The following PPP2R1A variants were observed in gnomAD, a reference collection of about 807,000 sequenced individuals.
The protein encoded by PPP2R1A is protein phosphatase 2 scaffold subunit Aalpha, also known as serine/threonine-protein phosphatase 2A 65 kDa regulatory subunit A alpha isoform.
Under a neutral mutation model 67.1 loss-of-function variants are expected in PPP2R1A, and 15 were observed. The ratio of observed to expected loss-of-function variants is 0.22; its 90% CI spans 0.15 to 0.34. The LOEUF is 0.34. Ranked by LOEUF, PPP2R1A falls within the 10% of genes least tolerant of loss-of-function variation. The probability of loss-of-function intolerance (pLI) is 1.00; values close to 1 mark genes in which losing one functional copy is unlikely to be tolerated. For synonymous variants in PPP2R1A, 337 were observed against 325.0 expected (o/e 1.04, Z -0.40); for missense variants, 369 against 775.0 (o/e 0.48, Z 6.22).
intron 12 of PPP2R1A, 82 bp downstream of exon 12, chr19:52,221,215 G>A: frequency 6.4e-7 from 1 of 1,558,330 alleles, no homozygotes; most frequent in Non-Finnish European, 8.8e-7. Flanking sequence ...GGTTCCCCAA[G>A]GGAGACACCT....
chr19:52,191,651 C>G (rs931313626), intron 1 of PPP2R1A, among the ~76,000 whole-genome samples: 1 of 152,170 alleles, frequency 6.6e-6, no homozygotes, highest in Non-Finnish European at 1.5e-5. Flanking sequence ...GTTAGTTAAT[C>G]TCTCTAGGCC....
chr19:52,190,922 C>G (rs2089448403), intron 1 of PPP2R1A: 1 of 152,304 alleles, frequency 6.6e-6, no homozygotes, highest in African/African-American at 2.4e-5. Flanking sequence ...AGCAGTGGCG[C>G]GATCTCGGCT....
chr19:52,197,548 G>A (rs781083565), intron 1 of PPP2R1A, among the ~76,000 whole-genome samples: 7 of 152,126 alleles, frequency 4.6e-5, no homozygotes, highest in Non-Finnish European at 8.8e-5. Flanking sequence ...GGTGACACCT[G>A]CCTGTAGACC....
chr19:52,193,949 CAAAAAAA>C (rs781755185), intron 1 of PPP2R1A, among the ~76,000 whole-genome samples: 2 of 116,930 alleles, frequency 1.7e-5, no homozygotes, highest in African/African-American at 3.2e-5. Context: ...CTGTCTCTAC[CAAAAAAA>C]AAAAAAAAAT....
At chr19:52,214,849 C>T (rs562387481) in intron 6 of PPP2R1A, among the ~76,000 whole-genome samples, 21 of 152,050 alleles carry the variant, frequency 1.4e-4, no homozygotes, top group African/African-American at 4.6e-4. Context: ...GCCTTAGCCT[C>T]CTGAGTAGCT....
At chr19:52,218,115 T>C (rs1482915169) in intron 9 of PPP2R1A, among the ~76,000 whole-genome samples, 1 of 152,164 alleles carries the variant, frequency 6.6e-6, no homozygotes, top group Admixed American at 6.5e-5. Flanking sequence ...GTTTTTGCCT[T>C]GGTGGTGAAA....
chr19:52,197,599 C>T (rs550140578), intron 1 of PPP2R1A, among the ~76,000 whole-genome samples: 11 of 152,128 alleles, frequency 7.2e-5, no homozygotes, highest in South Asian at 4.1e-4. Context: ...CACTTGAGCC[C>T]GGGAGGTCAA....
chr19:52,194,019 C>T (rs1192434669), intron 1 of PPP2R1A, among the ~76,000 whole-genome samples: 1 of 130,588 alleles, frequency 7.7e-6, no homozygotes, highest in Non-Finnish European at 1.5e-5. Flanking sequence ...AGACTGAGGT[C>T]GGAGGATTGC....
In PPP2R1A at chr19:52,200,072, T is replaced by G. The variant is rs144324690; in HGVS notation, c.79-1872T>G. ...CCAACTCACGCAAGATCTTAGTCACTTGTAGACCTCGTCTCAGTTATGTAG... is the reference window on the plus strand; with the variant it reads ...CCAACTCACGCAAGATCTTAGTCACGTGTAGACCTCGTCTCAGTTATGTAG... On this transcript the variant is annotated intron_variant, in intron 1 of 14. Coordinates refer to ENST00000322088, the MANE Select transcript of PPP2R1A (RefSeq NM_014225.6). Among the ~76,000 whole-genome samples, 391 of 152,294 alleles carry G rather than the reference T, an allele frequency of 2.6e-3. 3 individuals are homozygous for G. The highest frequency in any genetic ancestry group is 9.0e-3 in the African/African-American group (374 of 41,568).
chr19:52,219,819 G>A lies in PPP2R1A; in HGVS notation c.1257G>A (p.Val419=), dbSNP rs2122360720. 4 of 1,612,970 alleles carry A rather than the reference G, an allele frequency of 2.5e-6. No individual in the cohort carries two copies. The highest frequency in any genetic ancestry group is 3.4e-6 in the Non-Finnish European group (4 of 1,179,988). Residue 419 remains valine, a synonymous_variant, in exon 10 of 15, where the codon GTG becomes GTA. Coordinates refer to ENST00000322088, the MANE Select transcript of PPP2R1A (RefSeq NM_014225.6). The surrounding 1 kb of genome is among the most constrained non-coding windows in gnomAD (Gnocchi z 4.0). ...TGGCTGAGGACGCCAAGTGGCGGGT[G>A]CGGCTGGCCATCATTGAGTACATGC... is the stretch of plus-strand genomic sequence containing the variant. The part of the protein sequence containing the change: ...VELAEDAKWR[V]RLAIIEYMPL...
chr19:52,215,933 A>T, intron 7 of PPP2R1A, 40 bp downstream of exon 7: 2 of 1,611,400 alleles, frequency 1.2e-6, no homozygotes, highest in Non-Finnish European at 1.7e-6. Flanking sequence ...TGGGGTGGGT[A>T]TCCAAGGGGC....
At position 52,212,281 on chromosome 19, in the gene PPP2R1A, C is replaced by T. The variant is rs908159086; in HGVS notation, c.504-405C>T. On this transcript the variant is annotated intron_variant, in intron 4 of 14. Transcript: ENST00000322088. This position sits in a 1 kb window ranked among gnomAD's most constrained non-coding sequence, Gnocchi z 4.1. ...TTTATTTTTGGCAGAGATGGGGTCT[C>T]ACTATGTTGCTCAGGCTGGTCTTGA... 1.3e-5 allele frequency among the ~76,000 whole-genome samples: 2 copies of T among 151,872 alleles called. No homozygotes were observed. Among genetic ancestry groups the T allele is most frequent in the Middle Eastern group, 3.2e-3 (1 of 316 alleles).
At chr19:52,193,275 T>C (rs577545444) in intron 1 of PPP2R1A, among the ~76,000 whole-genome samples, 1 of 152,350 alleles carries the variant, frequency 6.6e-6, no homozygotes, top group East Asian at 1.9e-4. Flanking sequence ...TTGCTGATTA[T>C]ATTCATATGC....
intron 1 of PPP2R1A, among the ~76,000 whole-genome samples, chr19:52,192,553 A>G (rs1345732062): frequency 2.0e-5 from 3 of 151,820 alleles, no homozygotes; most frequent in Non-Finnish European, 4.4e-5. Flanking sequence ...ATCTCAGGTG[A>G]TCCTCCTGCC....
intron 9 of PPP2R1A, among the ~76,000 whole-genome samples, chr19:52,217,609 G>GT (rs1978657700): frequency 1.3e-5 from 2 of 152,180 alleles, no homozygotes; most frequent in Admixed American, 6.5e-5. Context: ...ATGAGTTCAT[G>GT]TTTTTTAGGG....
chr19:52,217,675 T>C (rs977250038), intron 9 of PPP2R1A, among the ~76,000 whole-genome samples: 2 of 152,006 alleles, frequency 1.3e-5, no homozygotes, highest in African/African-American at 4.8e-5. Context: ...TTAAATTCGG[T>C]GGTGGATTTT....
Position 52,222,162 on chromosome 19 carries a change from A to T in PPP2R1A, c.1582A>T (p.Met528Leu). The change falls in exon 13 of 15, where the codon ATG becomes TTG. Residue 528 changes from methionine to leucine, a missense_variant. Met to Leu is a conservative substitution (Grantham distance 15, BLOSUM62 2). This residue lies in a region of PPP2R1A where 276 missense variants were observed against 508.4 expected (regional missense o/e 0.54). Transcript: ENST00000322088. ...GCACATGCTACCCACGGTTCTGCGC[A>T]TGGCTGGGGACCCGGTTGCCAATGT... ...TKHMLPTVLR[M>L]AGDPVANVRF... 1 of 1,614,158 alleles carries T rather than the reference A, an allele frequency of 6.2e-7. No individual in the cohort carries two copies. Among genetic ancestry groups the T allele is most frequent in the Non-Finnish European group, 8.5e-7 (1 of 1,180,036 alleles).
Position 52,226,246 on chromosome 19 carries a change from G to A in PPP2R1A, c.*265G>A. ...TACTCCGCCCACGTCAGGGAGAGAT[G>A]TGAGCATCCCGGGTCACTGGATCCT... On this transcript the variant is annotated 3_prime_UTR_variant, in exon 15 of 15. Coordinates refer to ENST00000322088, the MANE Select transcript of PPP2R1A (RefSeq NM_014225.6). The A allele has an allele frequency of 1.8e-6, 1 of 542,682 alleles. No individual in the cohort carries two copies. Among genetic ancestry groups the A allele is most frequent in the South Asian group, 2.8e-5 (1 of 35,790 alleles). The allele number at this position is 542,682 out of a possible 1,614,324, so 33.6% of individuals were successfully genotyped here.
chr19:52,190,231 C>G (rs1031792190), intron 1 of PPP2R1A, 57 bp downstream of exon 1: 2 of 1,520,630 alleles, frequency 1.3e-6, no homozygotes, highest in South Asian at 2.4e-5. Flanking sequence ...GGGGCACGGG[C>G]GGCCCTCGCG....
Sources: allele counts gnomAD v4.1 joint callset (sites outside exome capture counted in the v4.1 genomes callset), GRCh38; gene constraint gnomAD v4.1.1; regional missense constraint gnomAD v4.1.1; non-coding constraint Gnocchi (gnomAD v3.1); transcripts MANE v1.5; gene names NCBI Gene and HGNC (gene_info 2026-07-23, HGNC 2026-07-21).